The following IGSF21 variants were observed in gnomAD, a reference collection of about 807,000 sequenced individuals.
IGSF21 encodes immunoglobulin superfamily member 21.
In IGSF21, 28 loss-of-function variants were observed where a neutral mutation model predicts 46.8. The ratio of observed to expected loss-of-function variants is 0.60; its 90% CI spans 0.44 to 0.82. The LOEUF (loss-of-function observed/expected upper bound fraction) is 0.82. IGSF21 is among the 40% of genes least tolerant of loss of function. The pLI is 0.00. For synonymous variants in IGSF21, 284 were observed against 273.6 expected, an observed-to-expected ratio of 1.04 and a Z score of -0.38; for missense variants, 624 against 665.5, an observed-to-expected ratio of 0.94 and a Z score of 0.69.
intron 2 of IGSF21, among the ~76,000 whole-genome samples, chr1:18,233,205 T>A (rs573494184): frequency 6.6e-6 from 1 of 152,204 alleles, no homozygotes; most frequent in Non-Finnish European, 1.5e-5. Flanking sequence ...GAGAAGGAGA[T>A]CTACAAACAG....
chr1:18,258,998 G>A (rs1488894744), intron 2 of IGSF21, among the ~76,000 whole-genome samples: 3 of 152,140 alleles, frequency 2.0e-5, no homozygotes, highest in African/African-American at 7.2e-5. Context: ...CTCTCCCTTT[G>A]GCCTCTGCTG....
chr1:18,250,371 G>A (rs551261847), intron 2 of IGSF21, among the ~76,000 whole-genome samples: 46 of 151,950 alleles, frequency 3.0e-4, no homozygotes, highest in Non-Finnish European at 5.0e-4. Flanking sequence ...GCTTTTGCAC[G>A]TACAGCTGCC....
chr1:18,357,409 T>G (rs2086031300), intron 4 of IGSF21, among the ~76,000 whole-genome samples: 4 of 122,344 alleles, frequency 3.3e-5, no homozygotes, highest in Admixed American at 2.8e-4. Flanking sequence ...AGGGTAGGGA[T>G]GAGGATGGGG....
At chr1:18,201,717 C>CG (rs1412367138) in intron 1 of IGSF21, among the ~76,000 whole-genome samples, 1 of 152,016 alleles carries the variant, frequency 6.6e-6, no homozygotes, top group African/African-American at 2.4e-5. Flanking sequence ...GGGTGTGTGT[C>CG]GGGGGGTCTG....
chr1:18,323,987 C>A (rs1232322777), intron 3 of IGSF21, among the ~76,000 whole-genome samples: 2 of 152,106 alleles, frequency 1.3e-5, no homozygotes, highest in Admixed American at 1.3e-4. Context: ...GCTCCAGGCC[C>A]CCTGTCCAGC....
chr1:18,206,818 G>T (rs1162746600), intron 1 of IGSF21, among the ~76,000 whole-genome samples: 1 of 152,216 alleles, frequency 6.6e-6, no homozygotes, highest in African/African-American at 2.4e-5. Flanking sequence ...AGCATGATCT[G>T]CTTGATGCTT....
intron 2 of IGSF21, among the ~76,000 whole-genome samples, chr1:18,275,370 A>T (rs903053319): frequency 1.4e-4 from 21 of 152,142 alleles, no homozygotes; most frequent in African/African-American, 5.1e-4. Flanking sequence ...AGCCAAGGGG[A>T]TGGAGAACTG....
At chr1:18,210,574 C>A (rs751127302) in intron 1 of IGSF21, among the ~76,000 whole-genome samples, 1 of 152,158 alleles carries the variant, frequency 6.6e-6, no homozygotes, top group Non-Finnish European at 1.5e-5. Context: ...CTAGGGAACT[C>A]CTGAGTCCAC....
At chr1:18,302,787 T>G (rs917739614) in intron 3 of IGSF21, among the ~76,000 whole-genome samples, 2 of 152,166 alleles carry the variant, frequency 1.3e-5, no homozygotes, top group Non-Finnish European at 2.9e-5. Flanking sequence ...GTCAGGGGTA[T>G]TTCTCCTTGG....
At chr1:18,185,854 T>C (rs2086897963) in intron 1 of IGSF21, among the ~76,000 whole-genome samples, 1 of 152,234 alleles carries the variant, frequency 6.6e-6, no homozygotes. Flanking sequence ...GCTACTGTTG[T>C]TGCCATTTCA....
At chr1:18,359,220 G>A (rs570923725) in intron 4 of IGSF21, among the ~76,000 whole-genome samples, 10 of 150,734 alleles carry the variant, frequency 6.6e-5, no homozygotes, top group Admixed American at 5.3e-4. Flanking sequence ...CAAGGCTGCT[G>A]TGAGCCATGA....
At chr1:18,181,940 C>G (rs980043673) in intron 1 of IGSF21, among the ~76,000 whole-genome samples, 3 of 152,114 alleles carry the variant, frequency 2.0e-5, no homozygotes, top group Non-Finnish European at 4.4e-5. Flanking sequence ...GAAAGCAGTT[C>G]AGAGAAATTA....
intron 1 of IGSF21, among the ~76,000 whole-genome samples, chr1:18,185,687 A>T (rs766887802): frequency 2.0e-5 from 3 of 152,220 alleles, no homozygotes; most frequent in Non-Finnish European, 4.4e-5. Flanking sequence ...TTAGGCAAGC[A>T]ACTTTACCTC....
At chr1:18,363,589 G>A (rs1377060468) in intron 5 of IGSF21, among the ~76,000 whole-genome samples, 1 of 151,826 alleles carries the variant, frequency 6.6e-6, no homozygotes, top group Non-Finnish European at 1.5e-5. Flanking sequence ...AGAGACACAG[G>A]TGGGGCAGTG....
At chr1:18,358,961 C>A (rs1400596320) in intron 4 of IGSF21, among the ~76,000 whole-genome samples, 1 of 152,138 alleles carries the variant, frequency 6.6e-6, no homozygotes, top group East Asian at 1.9e-4. Flanking sequence ...CACATTTACT[C>A]TTCAAAGCAA....
At chr1:18,242,689 A>G (rs543679243) in intron 2 of IGSF21, among the ~76,000 whole-genome samples, 16 of 152,304 alleles carry the variant, frequency 1.1e-4, no homozygotes, top group Middle Eastern at 3.4e-3. Context: ...CTCTATGAAT[A>G]TCAAGTCATG....
intron 1 of IGSF21, among the ~76,000 whole-genome samples, chr1:18,160,905 C>T (rs895313264): frequency 6.6e-6 from 1 of 152,098 alleles, no homozygotes; most frequent in Admixed American, 6.6e-5. Context: ...GGTGGCCGTT[C>T]CTGGAGGCTG....
intron 1 of IGSF21, among the ~76,000 whole-genome samples, chr1:18,133,746 A>C (rs1208664879): frequency 6.6e-6 from 1 of 152,098 alleles, no homozygotes; most frequent in Non-Finnish European, 1.5e-5. Flanking sequence ...CAAATCCTTC[A>C]CTATTGGACA....
chr1:18,270,865 GAC>G (rs1351583810), intron 2 of IGSF21, among the ~76,000 whole-genome samples: 1 of 152,026 alleles, frequency 6.6e-6, no homozygotes, highest in Non-Finnish European at 1.5e-5. Context: ...TGTGCGATTT[GAC>G]ACACTGGTAG....
Sources: gnomAD v4.1 joint callset for allele counts (sites outside exome capture counted in the v4.1 genomes callset) on GRCh38, gnomAD v4.1.1 for gene constraint, MANE v1.5 for transcripts, NCBI Gene and HGNC (gene_info 2026-07-23, HGNC 2026-07-21) for gene names.